The following DNAJC15 variants were observed in gnomAD, a reference collection of about 807,000 sequenced individuals.
DNAJC15 encodes the protein dnaJ homolog subfamily C member 15.
In DNAJC15, 27 loss-of-function variants were observed where a neutral mutation model predicts 22.4. The ratio of observed to expected loss-of-function variants is 1.20; its 90% confidence interval spans 0.89 to 1.66. DNAJC15 has a LOEUF of 1.66. DNAJC15 is among the 40% of genes most tolerant of loss of function. The pLI, the probability that DNAJC15 is intolerant of heterozygous loss-of-function variation, is 0.00. For synonymous variants in DNAJC15, 79 were observed against 63.2 expected (o/e 1.25, Z -1.19); for missense variants, 208 against 187.1 (o/e 1.11, Z -0.65).
At chr13:43,038,707 G>A (rs2040439693) in intron 1 of DNAJC15, among the ~76,000 whole-genome samples, 1 of 151,682 alleles carries the variant, frequency 6.6e-6, no homozygotes, top group Non-Finnish European at 1.5e-5. Flanking sequence ...CAGGAGAATG[G>A]CATGAACCCG....
intron 1 of DNAJC15, among the ~76,000 whole-genome samples, chr13:43,052,989 C>T (rs1255269714): frequency 6.6e-6 from 1 of 152,058 alleles, no homozygotes; most frequent in African/African-American, 2.4e-5. Context: ...TTTGCCTAAA[C>T]CAATGTTTGG....
At chr13:43,094,217 A>G (rs993698834) in intron 5 of DNAJC15, among the ~76,000 whole-genome samples, 3 of 151,332 alleles carry the variant, frequency 2.0e-5, no homozygotes, top group African/African-American at 7.4e-5. Flanking sequence ...GTGATTTTGT[A>G]ACGTCATTCA....
intron 1 of DNAJC15, among the ~76,000 whole-genome samples, chr13:43,048,711 T>C (rs2040489320): frequency 6.6e-6 from 1 of 152,214 alleles, no homozygotes; most frequent in African/African-American, 2.4e-5. Context: ...GTAAAAGAAT[T>C]TTTTTGGTGG....
intron 1 of DNAJC15, among the ~76,000 whole-genome samples, chr13:43,044,856 C>A (rs980662413): frequency 1.3e-5 from 2 of 151,936 alleles, no homozygotes; most frequent in Admixed American, 6.6e-5. Context: ...CCCAAGTGAC[C>A]ATTATCTCTT....
chr13:43,063,455 G>A (rs2040568937), intron 1 of DNAJC15, among the ~76,000 whole-genome samples: 1 of 152,172 alleles, frequency 6.6e-6, no homozygotes, highest in South Asian at 2.1e-4. Flanking sequence ...CTGTTGGGAT[G>A]CATCACTGTA....
chr13:43,087,276 G>A (rs2040693199), intron 5 of DNAJC15, among the ~76,000 whole-genome samples: 1 of 152,128 alleles, frequency 6.6e-6, no homozygotes, highest in Admixed American at 6.5e-5. Flanking sequence ...AACATTTGGA[G>A]TTTCAGAAAG....
intron 4 of DNAJC15, among the ~76,000 whole-genome samples, chr13:43,082,183 GA>G (rs68161393): frequency 0.25 from 36,932 of 146,254 alleles, 4,854 homozygotes; most frequent in Non-Finnish European, 0.31. Context: ...CTCAGTAGTA[GA>G]AAAAAAAAAA....
intron 5 of DNAJC15, among the ~76,000 whole-genome samples, chr13:43,099,311 C>T (rs1258193282): frequency 2.0e-5 from 3 of 152,150 alleles, no homozygotes; most frequent in Non-Finnish European, 2.9e-5. Context: ...TTTCAGTATA[C>T]AAGATCATGT....
At position 43,032,871 on chromosome 13, in the gene DNAJC15, G is replaced by A. The variant is rs2324995; in HGVS notation, c.108+9137G>A. 3.8e-3 allele frequency among the ~76,000 whole-genome samples: 571 copies of A among 152,142 alleles called. 7 individuals carry two copies. The highest frequency in any genetic ancestry group is 0.013 in the African/African-American group (527 of 41,506). On this transcript the variant is annotated intron_variant, in intron 1 of 5. Transcript: ENST00000379221. ...GTACTGTTAGCTTATAAAGAAAAGA[G>A]GTTTAATTGGCTCACGATTCCATAG...
chr13:43,085,705 A>G (rs930561928), intron 4 of DNAJC15, 63 bp from the exon 5 acceptor site: 100 of 1,429,466 alleles, frequency 7.0e-5, no homozygotes, highest in Non-Finnish European at 9.2e-5. Flanking sequence ...ACCCATATAA[A>G]CCCTTAATTT....
At chr13:43,071,303 T>A (rs748944869) in intron 3 of DNAJC15, among the ~76,000 whole-genome samples, 1 of 152,208 alleles carries the variant, frequency 6.6e-6, no homozygotes, top group Non-Finnish European at 1.5e-5. Flanking sequence ...CTTAAGAGTC[T>A]GAGCCTGGTA....
At chr13:43,059,184 C>T (rs999875991) in intron 1 of DNAJC15, among the ~76,000 whole-genome samples, 5 of 151,816 alleles carry the variant, frequency 3.3e-5, no homozygotes, top group Admixed American at 3.3e-4. Context: ...GGTTACAAGG[C>T]CTTTGTTTTT....
rs1341569372 is a variant in DNAJC15, at chr13:43,028,585, A to G, written c.108+4851A>G. Among the ~76,000 whole-genome samples, 3 of 152,298 alleles carry G rather than the reference A, an allele frequency of 2.0e-5. No homozygotes were observed. In the East Asian group the frequency reaches 5.8e-4, roughly 29 times the overall value. On this transcript the variant is annotated intron_variant, in intron 1 of 5. Transcript: ENST00000379221. ...TAACATGATCTAAACCTTTCTTAGGATCTTACACAGGACTCTTCATGTACT... is the reference window on the plus strand; with the variant it reads ...TAACATGATCTAAACCTTTCTTAGGGTCTTACACAGGACTCTTCATGTACT...
Position 43,110,398 on chromosome 13 carries a change from G to A in DNAJC15, c.*3150G>A, listed in dbSNP as rs1037169470. ...CAGAGCCTGCCTCGATTCAAAGGGA[G>A]AGGATAGAGAGGACTGAAGGAATCA... On this transcript the variant is annotated 3_prime_UTR_variant, in exon 6 of 6. Coordinates refer to ENST00000379221, the MANE Select transcript of DNAJC15 (RefSeq NM_013238.3). 2 of 152,226 alleles carry A rather than the reference G, an allele frequency of 1.3e-5. No homozygotes were observed. The highest frequency in any genetic ancestry group is 4.8e-5 in the African/African-American group (2 of 41,446). The allele number at this position is 152,226 out of a possible 1,614,324, so 9.4% of individuals were successfully genotyped here.
At chr13:43,042,721 T>C (rs2040459612) in intron 1 of DNAJC15, among the ~76,000 whole-genome samples, 1 of 152,024 alleles carries the variant, frequency 6.6e-6, no homozygotes, top group African/African-American at 2.4e-5. Context: ...CTTGAGGCAG[T>C]ATTTCTTCTT....
chr13:43,034,557 C>T (rs1486829352), intron 1 of DNAJC15, among the ~76,000 whole-genome samples: 15 of 151,930 alleles, frequency 9.9e-5, no homozygotes, highest in East Asian at 1.9e-4. Flanking sequence ...CCTAGTGATC[C>T]GCCCGCCTCG....
chr13:43,036,509 C>T (rs1364377714), intron 1 of DNAJC15, among the ~76,000 whole-genome samples: 2 of 152,128 alleles, frequency 1.3e-5, no homozygotes, highest in African/African-American at 4.8e-5. Context: ...TCCAATTGGC[C>T]GATTGGTCAT....
chr13:43,024,893 T>TAAAAAA (rs34398144), intron 1 of DNAJC15, among the ~76,000 whole-genome samples: 1,488 of 85,870 alleles, frequency 0.017, 123 homozygotes, highest in African/African-American at 0.053. Context: ...CCATCTCTGC[T>TAAAAAA]AAAAAAAAAA....
intron 1 of DNAJC15, among the ~76,000 whole-genome samples, chr13:43,057,254 A>G (rs964720102): frequency 6.6e-6 from 1 of 152,124 alleles, no homozygotes; most frequent in Admixed American, 6.5e-5. Context: ...TTCTTAGGTT[A>G]TGTCATTTAA....
Sources: gnomAD v4.1 joint callset for allele counts (sites outside exome capture counted in the v4.1 genomes callset) on GRCh38, gnomAD v4.1.1 for gene constraint, MANE v1.5 for transcripts, NCBI Gene and HGNC (gene_info 2026-07-23, HGNC 2026-07-21) for gene names.